Variants in CFAP58 observed in about 807,000 individuals in gnomAD.
CFAP58 encodes the protein cilia and flagella associated protein 58.
In CFAP58, 88 loss-of-function variants were observed where a neutral mutation model predicts 119.5. The ratio of observed to expected loss-of-function variants is 0.74; its 90% CI spans 0.62 to 0.88. CFAP58 has a LOEUF of 0.88. Among genes scored for constraint, CFAP58 ranks in the 40% least tolerant of loss-of-function variants. CFAP58 has a pLI of 0.00. For missense variants in CFAP58, 990 were observed against 1,021.2 expected (o/e 0.97, Z 0.42); for synonymous variants, 365 against 366.3 (o/e 1.00, Z 0.04).
chr10:104,430,451 A>G (rs913990814), intron 15 of CFAP58, among the ~76,000 whole-genome samples: 1 of 152,232 alleles, frequency 6.6e-6, no homozygotes, highest in Non-Finnish European at 1.5e-5. Flanking sequence ...TCTCACTTAC[A>G]GTCTTCTTTT....
the CFAP58 span, among the ~76,000 whole-genome samples, chr10:104,346,612 G>A: frequency 6.8e-5 from 10 of 148,034 alleles, no homozygotes; most frequent in African/African-American, 2.5e-4. Flanking sequence ...AGTGGGAATA[G>A]GTTGTATGGA....
chr10:104,441,166 C>A (rs968453587), intron 15 of CFAP58, among the ~76,000 whole-genome samples: 6 of 152,176 alleles, frequency 3.9e-5, no homozygotes, highest in Non-Finnish European at 7.3e-5. Flanking sequence ...CCATGCCCAG[C>A]TAATTTTTGT....
Position 104,393,398 on chromosome 10 carries a change from A to C in CFAP58, c.1597A>C (p.Ile533Leu). The C allele has an allele frequency of 2.5e-6, 4 of 1,614,140 alleles. No individual in the cohort carries two copies. Among genetic ancestry groups the C allele is most frequent in the Non-Finnish European group, 3.4e-6 (4 of 1,179,996 alleles). The change falls in exon 11 of 18, where the codon ATC becomes CTC. Residue 533 changes from isoleucine to leucine, a missense_variant. Transcript: ENST00000369704. ...TCAGGTAGATGAGCTGAAAGAAGAC[A>C]TCTCTGCCAAAGAGTCCGCACTTGT... ...IHQVDELKED[I>L]SAKESALVKL...
intron 6 of CFAP58, among the ~76,000 whole-genome samples, chr10:104,369,654 T>C (rs577211791): frequency 6.6e-6 from 1 of 152,336 alleles, no homozygotes; most frequent in South Asian, 2.1e-4. Flanking sequence ...CTCATGCCAT[T>C]AATTCTTTCC....
chr10:104,378,986 A>G (rs1463095981), intron 8 of CFAP58, among the ~76,000 whole-genome samples: 2 of 152,008 alleles, frequency 1.3e-5, no homozygotes, highest in Non-Finnish European at 1.5e-5. Flanking sequence ...GAGTTGGAAC[A>G]TGAGCATCTG....
chr10:104,373,487 A>G (rs1208002236), intron 7 of CFAP58, among the ~76,000 whole-genome samples: 2 of 152,016 alleles, frequency 1.3e-5, no homozygotes, highest in Non-Finnish European at 2.9e-5. Flanking sequence ...AAAAATTGCC[A>G]GGTGTGGTGG....
intron 6 of CFAP58, 46 bp from the exon 7 acceptor site, chr10:104,370,849 T>C: frequency 6.4e-7 from 1 of 1,554,538 alleles, no homozygotes; most frequent in South Asian, 1.2e-5. Flanking sequence ...AGTTCCTGGC[T>C]CTTCATTTAC....
chr10:104,427,238 A>G (rs1202887112), intron 15 of CFAP58, among the ~76,000 whole-genome samples: 1 of 152,214 alleles, frequency 6.6e-6, no homozygotes, highest in Non-Finnish European at 1.5e-5. Flanking sequence ...ATTTCAATCT[A>G]TTCATCTGAA....
At chr10:104,369,223 G>A (rs2014791991) in intron 6 of CFAP58, among the ~76,000 whole-genome samples, 2 of 152,172 alleles carry the variant, frequency 1.3e-5, no homozygotes, top group South Asian at 4.1e-4. Flanking sequence ...TGTAAAAAGA[G>A]TGGCCTAGCA....
rs749810814 is a variant in CFAP58, at chr10:104,406,675, T to C, written c.2152-14T>C. ...GATGATATCTCAGCTGCTATTGTTG[T>C]TCCCCTTGGACAGGCCAGCGACCCC... On this transcript the variant is annotated splice_polypyrimidine_tract_variant and intron_variant, in intron 14 of 17. Coordinates refer to ENST00000369704, the MANE Select transcript of CFAP58 (RefSeq NM_001008723.2). 4 of 1,609,124 alleles carry C rather than the reference T, an allele frequency of 2.5e-6. No individual in the cohort carries two copies.
upstream of CFAP58, among the ~76,000 whole-genome samples, chr10:104,352,660 A>C (rs947307953): frequency 3.9e-5 from 6 of 152,242 alleles, no homozygotes; most frequent in African/African-American, 1.4e-4. Context: ...AGGAATTTGC[A>C]CAGAGGTCCT....
chr10:104,398,903 A>G (rs1270661082), intron 11 of CFAP58, among the ~76,000 whole-genome samples: 1 of 152,186 alleles, frequency 6.6e-6, no homozygotes, highest in Non-Finnish European at 1.5e-5. Flanking sequence ...AATTTTGCTT[A>G]CAAAGGGCTT....
chr10:104,451,413 G>T (rs900367026), intron 17 of CFAP58, among the ~76,000 whole-genome samples: 3 of 151,470 alleles, frequency 2.0e-5, no homozygotes, highest in Non-Finnish European at 4.4e-5. Context: ...TAATGTGTAG[G>T]TCTACCAGCT....
chr10:104,344,006 G>T, the CFAP58 span, among the ~76,000 whole-genome samples: 1 of 152,226 alleles, frequency 6.6e-6, no homozygotes, highest in African/African-American at 2.4e-5. Flanking sequence ...GCCTCCCAAA[G>T]TGCTGGGATT....
At chr10:104,384,815 A>G (rs1372577192) in intron 9 of CFAP58, among the ~76,000 whole-genome samples, 1 of 152,204 alleles carries the variant, frequency 6.6e-6, no homozygotes, top group Non-Finnish European at 1.5e-5. Flanking sequence ...CCAGAGTGAA[A>G]CAGTCATGTG....
rs1158339046 is a variant in CFAP58 at position 104,454,613 on chromosome 10, T to C, written c.*83T>C. On this transcript the variant is annotated 3_prime_UTR_variant, in exon 18 of 18. Transcript: ENST00000369704. ...TTGGGGGAATCTCAAAGTCCTTGGA[T>C]CATAGAACTGAGTGCTGAGAATCCA... 1.0e-6 allele frequency: 1 copy of C among 980,740 alleles called. No individual in the cohort carries two copies. Among genetic ancestry groups the C allele is most frequent in the Non-Finnish European group, 1.6e-6 (1 of 614,298 alleles). The allele number at this position is 980,740 out of a possible 1,614,324, so 60.8% of individuals were successfully genotyped here. A position where few individuals can be genotyped will look rare whatever the true frequency, so the allele number is the denominator to read the frequency against.
At chr10:104,363,815 G>C (rs1339344286) in intron 3 of CFAP58, among the ~76,000 whole-genome samples, 1 of 152,226 alleles carries the variant, frequency 6.6e-6, no homozygotes, top group Non-Finnish European at 1.5e-5. Context: ...GCAGTCGTTT[G>C]ATGACTGTCA....
chr10:104,364,922 T>C (rs1411710), intron 4 of CFAP58, 33 bp downstream of exon 4: 1 of 1,599,392 alleles, frequency 6.3e-7, no homozygotes, highest in African/African-American at 1.4e-5. Flanking sequence ...AAGGAATATT[T>C]CCTTCCAGAG....
At chr10:104,446,160 C>T (rs934574524) in intron 15 of CFAP58, among the ~76,000 whole-genome samples, 1 of 152,198 alleles carries the variant, frequency 6.6e-6, no homozygotes, top group Admixed American at 6.5e-5. Flanking sequence ...AAAATAAACT[C>T]ACCTCCTGAT....
Sources: gnomAD v4.1 joint callset for allele counts (sites outside exome capture counted in the v4.1 genomes callset) on GRCh38, gnomAD v4.1.1 for gene constraint, MANE v1.5 for transcripts, NCBI Gene and HGNC (gene_info 2026-07-23, HGNC 2026-07-21) for gene names.